ZNF169: variants seen among roughly 807,000 people sequenced by gnomAD.
ZNF169 encodes the protein zinc finger protein 169.
A neutral mutation model predicts 12.0 loss-of-function variants in ZNF169; 11 were observed. The observed-to-expected ratio is 0.92, with a 90% confidence interval of 0.58 to 1.52. ZNF169 has a LOEUF of 1.52. Among genes scored for constraint, ZNF169 ranks in the 40% most tolerant of loss-of-function variants. The pLI is 0.00. For synonymous variants in ZNF169, 302 were observed against 286.5 expected (o/e 1.05, Z -0.55); for missense variants, 722 against 744.0 (o/e 0.97, Z 0.34).
At chr9:94,288,686 C>G in intron 2 of ZNF169, 1 of 329,620 alleles carries the variant, frequency 3.0e-6, no homozygotes, top group Non-Finnish European at 5.9e-6. Context: ...GTAGCACTTC[C>G]CTCTTGCTCA....
intron 4 of ZNF169, among the ~76,000 whole-genome samples, chr9:94,297,709 T>G (rs59871876): frequency 6.6e-6 from 1 of 152,240 alleles, no homozygotes; most frequent in Non-Finnish European, 1.5e-5. Flanking sequence ...TATAAATCAG[T>G]ATTGTATTTA....
At chr9:94,280,017 G>A (rs564847380) in intron 2 of ZNF169, among the ~76,000 whole-genome samples, 4 of 152,124 alleles carry the variant, frequency 2.6e-5, no homozygotes, top group Non-Finnish European at 2.9e-5. Context: ...GGGCATTTTT[G>A]TATTGATTTT....
intron 4 of ZNF169, chr9:94,296,802 T>C (rs181014672): frequency 6.6e-6 from 3 of 456,646 alleles, no homozygotes; most frequent in East Asian, 1.4e-4. Flanking sequence ...TCCATCTTCT[T>C]TGGGAAGCTT....
At chr9:94,262,695 G>A (rs544320468) in intron 1 of ZNF169, among the ~76,000 whole-genome samples, 2 of 152,130 alleles carry the variant, frequency 1.3e-5, no homozygotes, top group South Asian at 2.1e-4. Context: ...TCCTAACCTC[G>A]TGATCCGCCT....
At chr9:94,274,751 G>A (rs1282415850) in intron 1 of ZNF169, among the ~76,000 whole-genome samples, 1 of 152,172 alleles carries the variant, frequency 6.6e-6, no homozygotes, top group African/African-American at 2.4e-5. Context: ...ATTTCAGGGA[G>A]GCATGAGACA....
intron 1 of ZNF169, among the ~76,000 whole-genome samples, chr9:94,271,517 C>T (rs1258503752): frequency 6.6e-6 from 1 of 151,902 alleles, no homozygotes; most frequent in Non-Finnish European, 1.5e-5. Context: ...GTCAAAAGAT[C>T]CAGACCACCC....
intron 1 of ZNF169, among the ~76,000 whole-genome samples, chr9:94,261,986 G>C (rs999250194): frequency 6.6e-6 from 1 of 152,176 alleles, no homozygotes; most frequent in African/African-American, 2.4e-5. Context: ...AGGCTGTGTT[G>C]TTTCCGTATT....
rs577633435 is a variant in ZNF169, at chr9:94,292,166, AG to A, written c.34-171del. 7.2e-5 allele frequency among the ~76,000 whole-genome samples: 11 copies of A among 152,338 alleles called. No individual in the cohort carries two copies. In the South Asian group the frequency reaches 2.1e-3, roughly 29 times the overall value. On this transcript the variant is annotated intron_variant, in intron 2 of 4. Coordinates refer to ENST00000395395, the MANE Select transcript of ZNF169 (RefSeq NM_194320.4). The stretch of plus-strand genomic sequence containing the variant: ...AAATAGAACCAGCATCAGTGTATGG[AG>A]GGGATTAATAGTCTTGAATATATGG...
In ZNF169 at chr9:94,301,540, C is replaced by T. The variant is rs1422154691; in HGVS notation, c.*170C>T. ...ATTTGTCTTGGCTTGCTAGGGGTTC[C>T]ATAACAAAGTACCCCAGGCTGGGTG... On this transcript the variant is annotated 3_prime_UTR_variant, in exon 5 of 5. Transcript: ENST00000395395. 6.4e-6 allele frequency: 8 copies of T among 1,242,882 alleles called. No homozygotes were observed. Among genetic ancestry groups the T allele is most frequent in the Non-Finnish European group, 8.6e-6 (8 of 932,180 alleles). The allele number at this position is 1,242,882 out of a possible 1,614,324, so 77.0% of individuals were successfully genotyped here. A position where few individuals can be genotyped will look rare whatever the true frequency, so the allele number is the denominator to read the frequency against.
chr9:94,287,748 A>C lies in ZNF169; in HGVS notation c.34-4593A>C, dbSNP rs1830744791. ...ACCAAGCTTGTGGCCACCAGCATTG[A>C]CGTTCTTGCCATCCAGGAGAGCTGA... On this transcript the variant is annotated intron_variant, in intron 2 of 4. Transcript: ENST00000395395. The C allele has an allele frequency of 1.1e-5, 15 of 1,387,958 alleles. No homozygotes were observed. The East Asian group carries it at 3.5e-4, about 32-fold the overall frequency. The allele number at this position is 1,387,958 out of a possible 1,614,324, so 86.0% of individuals were successfully genotyped here.
At chr9:94,283,629 G>T (rs1830676479) in intron 2 of ZNF169, among the ~76,000 whole-genome samples, 1 of 152,114 alleles carries the variant, frequency 6.6e-6, no homozygotes, top group South Asian at 2.1e-4. Flanking sequence ...CCTCCCACCT[G>T]TCCATGAGGA....
chr9:94,274,469 A>G (rs1051585176), intron 1 of ZNF169, among the ~76,000 whole-genome samples: 3 of 152,212 alleles, frequency 2.0e-5, no homozygotes, highest in Non-Finnish European at 2.9e-5. Flanking sequence ...CAAGGTTTTT[A>G]AAAATATCTT....
chr9:94,281,819 A>G (rs1830645032), intron 2 of ZNF169, among the ~76,000 whole-genome samples: 1 of 152,232 alleles, frequency 6.6e-6, no homozygotes, highest in Non-Finnish European at 1.5e-5. Context: ...CCTGGAATCA[A>G]TAGAAAGAAG....
intron 2 of ZNF169, among the ~76,000 whole-genome samples, chr9:94,284,780 TAGA>T (rs1433887729): frequency 1.3e-5 from 2 of 152,114 alleles, no homozygotes; most frequent in Non-Finnish European, 2.9e-5. Context: ...TGGAATGAAT[TAGA>T]AGATTTAATA....
rs1831083549 is a variant in ZNF169 at position 94,301,812 on chromosome 9, C to G, written c.*442C>G. On this transcript the variant is annotated 3_prime_UTR_variant, in exon 5 of 5. Transcript: ENST00000395395. ...GGCCTCGTTTAACCTTAATAACCTT[C>G]CTAAAGGCCTTATCTCTAGATACAG... 6.6e-6 allele frequency among the ~76,000 whole-genome samples: 1 copy of G among 152,154 alleles called. No homozygotes were observed. Among genetic ancestry groups the G allele is most frequent in the Non-Finnish European group, 1.5e-5 (1 of 68,028 alleles).
At chr9:94,284,521 G>T (rs1331616727) in intron 2 of ZNF169, among the ~76,000 whole-genome samples, 1 of 152,154 alleles carries the variant, frequency 6.6e-6, no homozygotes, top group East Asian at 1.9e-4. Context: ...CATCCACAGA[G>T]AAAATTGTTA....
rs1831026823 is a variant in ZNF169 at position 94,300,076 on chromosome 9, T to C, written c.518T>C (p.Val173Ala). Reference protein sequence around the residue: ...TFFSPHQGDPVEWVEGNREGG... With the variant: ...TFFSPHQGDPAEWVEGNREGG... ...TTCAGCCCACATCAAGGTGACCCAG[T>C]AGAATGGGTAGAAGGGAACAGAGAA... The change falls in exon 5 of 5, where the codon GTA becomes GCA. Residue 173 changes from valine (V) to alanine (A), a missense_variant. Val to Ala is a moderately conservative substitution (Grantham distance 64, BLOSUM62 0). Transcript: ENST00000395395. 1.2e-6 allele frequency: 2 copies of C among 1,613,712 alleles called. No homozygotes were observed. The highest frequency in any genetic ancestry group is 8.5e-7 in the Non-Finnish European group (1 of 1,179,948).
At chr9:94,288,924 G>A (rs546933736) in intron 2 of ZNF169, among the ~76,000 whole-genome samples, 2 of 152,288 alleles carry the variant, frequency 1.3e-5, no homozygotes, top group South Asian at 4.1e-4. Flanking sequence ...AAGACATACA[G>A]GGTAAATGTA....
chr9:94,277,554 G>A (rs1365172050), intron 1 of ZNF169, among the ~76,000 whole-genome samples: 1 of 152,046 alleles, frequency 6.6e-6, no homozygotes, highest in Non-Finnish European at 1.5e-5. Context: ...GATATACAGG[G>A]TTAAATAAAA....
Sources: allele counts gnomAD v4.1 joint callset (sites outside exome capture counted in the v4.1 genomes callset), GRCh38; gene constraint gnomAD v4.1.1; transcripts MANE v1.5; gene names NCBI Gene and HGNC (gene_info 2026-07-23, HGNC 2026-07-21).